Variants in COX10 observed in about 807,000 individuals in gnomAD.
COX10 encodes protoheme IX farnesyltransferase, mitochondrial.
COX10 carries 27 observed loss-of-function variants against 37.3 expected under a neutral mutation model. The observed-to-expected ratio is 0.72, with a 90% confidence interval of 0.53 to 1.00. COX10 has a LOEUF of 1.00. Ranked by LOEUF, COX10 falls within the 50% of genes least tolerant of loss-of-function variation. The probability of loss-of-function intolerance (pLI) is 0.00; values close to 1 mark genes in which losing one functional copy is unlikely to be tolerated. For synonymous variants in COX10, 222 were observed against 229.1 expected (o/e 0.97, Z 0.28); for missense variants, 475 against 563.2 (o/e 0.84, Z 1.59).
intron 3 of COX10, among the ~76,000 whole-genome samples, chr17:14,084,578 T>A (rs1437487961): frequency 6.6e-6 from 1 of 152,226 alleles, no homozygotes; most frequent in East Asian, 1.9e-4. Flanking sequence ...CTGTTTTTAG[T>A]GACTTTTAAA....
At chr17:14,201,556 G>T (rs1252723849) in intron 6 of COX10, among the ~76,000 whole-genome samples, 1 of 152,144 alleles carries the variant, frequency 6.6e-6, no homozygotes, top group Admixed American at 6.5e-5. Flanking sequence ...TACTTCGGTT[G>T]ACACACACAA....
chr17:14,076,412 G>T (rs773498413), intron 2 of COX10, among the ~76,000 whole-genome samples: 1 of 151,140 alleles, frequency 6.6e-6, no homozygotes, highest in Admixed American at 6.6e-5. Context: ...ATTGTATTTG[G>T]AATGTTAAGC....
chr17:14,114,295 A>T (rs1246177114), intron 4 of COX10, among the ~76,000 whole-genome samples: 1 of 152,156 alleles, frequency 6.6e-6, no homozygotes, highest in African/African-American at 2.4e-5. Flanking sequence ...TGAATTAGGC[A>T]TTCAGCCAAT....
chr17:14,186,609 A>C lies in COX10; in HGVS notation c.696-5380A>C, dbSNP rs551761925. On this transcript the variant is annotated intron_variant, in intron 5 of 6. Transcript: ENST00000261643. ...CTACAGCATCAGTGCCCCCAGGACAAGGACCACACCTGTCTTGCTCACCAC... is the reference window on the plus strand; with the variant it reads ...CTACAGCATCAGTGCCCCCAGGACACGGACCACACCTGTCTTGCTCACCAC... Among the ~76,000 whole-genome samples, 56 of 151,958 alleles carry C rather than the reference A, an allele frequency of 3.7e-4. No individual in the cohort carries two copies. In the South Asian group the frequency reaches 0.011, roughly 30 times the overall value.
At position 14,120,669 on chromosome 17, in the gene COX10, A is replaced by C. The variant is rs544138132; in HGVS notation, c.624+18427A>C. On this transcript the variant is annotated intron_variant, in intron 4 of 6. Coordinates refer to ENST00000261643, the MANE Select transcript of COX10 (RefSeq NM_001303.4). ...CAGCAGATGTCATGCAAATGGGATA[A>C]AAATGAATGGTAGTTCCAGGAGTTA... Among the ~76,000 whole-genome samples, 34 of 152,328 alleles carry C rather than the reference A, an allele frequency of 2.2e-4. No homozygotes were observed. In the South Asian group the frequency reaches 7.0e-3, roughly 32 times the overall value.
intron 4 of COX10, among the ~76,000 whole-genome samples, chr17:14,148,348 T>G (rs1029092653): frequency 4.6e-5 from 7 of 152,298 alleles, no homozygotes; most frequent in African/African-American, 1.4e-4. Context: ...GCTGACTGGG[T>G]GTCTTTACTG....
intron 5 of COX10, among the ~76,000 whole-genome samples, chr17:14,162,359 C>T (rs896925199): frequency 3.9e-5 from 6 of 152,134 alleles, no homozygotes; most frequent in Non-Finnish European, 7.4e-5. Context: ...TCACACATAA[C>T]GCTATATTTG....
intron 2 of COX10, among the ~76,000 whole-genome samples, chr17:14,074,928 C>T (rs976328468): frequency 6.6e-6 from 1 of 152,142 alleles, no homozygotes; most frequent in Admixed American, 6.6e-5. Flanking sequence ...AATTTTCTAG[C>T]ATTTTATAAT....
Position 14,074,309 on chromosome 17 carries a change from T to C in COX10, c.44-14T>C, listed in dbSNP as rs1915095053. 2 of 1,613,940 alleles carry C rather than the reference T, an allele frequency of 1.2e-6. No homozygotes were observed. The highest frequency in any genetic ancestry group is 2.2e-5 in the East Asian group (1 of 44,874). On this transcript the variant is annotated splice_polypyrimidine_tract_variant and intron_variant, in intron 1 of 6. Transcript: ENST00000261643. ...AATCATTTAACCTTTCTTCCACTTC[T>C]CTCTCTATTATAGGTTGCGTAGGAG...
intron 3 of COX10, among the ~76,000 whole-genome samples, chr17:14,093,047 C>T (rs909052286): frequency 6.6e-6 from 1 of 152,156 alleles, no homozygotes; most frequent in Non-Finnish European, 1.5e-5. Flanking sequence ...GAGATTATAT[C>T]TCAAGTTTAT....
chr17:14,205,790 A>G (rs1428595106), intron 6 of COX10, among the ~76,000 whole-genome samples: 1 of 151,980 alleles, frequency 6.6e-6, no homozygotes, highest in Non-Finnish European at 1.5e-5. Flanking sequence ...ACTGAAGTTT[A>G]TAAATCTACC....
chr17:14,102,952 G>T (rs752441054), intron 4 of COX10, among the ~76,000 whole-genome samples: 23 of 152,122 alleles, frequency 1.5e-4, no homozygotes, highest in Admixed American at 5.9e-4. Context: ...AGGAATTCAA[G>T]TTACCAGCAG....
At chr17:14,179,230 T>A in intron 5 of COX10, 1 of 983,530 alleles carries the variant, frequency 1.0e-6, no homozygotes, top group East Asian at 1.1e-4. Flanking sequence ...TAGACACCGT[T>A]CATCTACCAT....
chr17:14,072,647 C>G (rs527854452), intron 1 of COX10, among the ~76,000 whole-genome samples: 2 of 152,320 alleles, frequency 1.3e-5, no homozygotes, highest in Non-Finnish European at 2.9e-5. Context: ...AAGACAAACA[C>G]ATTTTCATGT....
At chr17:14,179,787 A>G (rs539293379) in intron 5 of COX10, among the ~76,000 whole-genome samples, 20 of 151,530 alleles carry the variant, frequency 1.3e-4, no homozygotes, top group African/African-American at 4.8e-4. Flanking sequence ...TTCCAACTTA[A>G]TGGATCAGAT....
chr17:14,076,779 C>T lies in COX10; in HGVS notation c.222C>T (p.Pro74=). The change falls in exon 3 of 7, where the codon CCC becomes CCT. Residue 74 remains proline (P), a synonymous_variant. Coordinates refer to ENST00000261643, the MANE Select transcript of COX10 (RefSeq NM_001303.4). ...GAAGCCACAACCAGCAAGTAAGACC[C>T]AAGCCAGAACCAGTAGCATCTCCTT... ...LNRSHNQQVR[P]KPEPVASPFL... 6.2e-7 allele frequency: 1 copy of T among 1,614,074 alleles called. No homozygotes were observed. The highest frequency in any genetic ancestry group is 8.5e-7 in the Non-Finnish European group (1 of 1,180,006).
At chr17:14,143,728 G>T (rs1904617978) in intron 4 of COX10, among the ~76,000 whole-genome samples, 2 of 152,114 alleles carry the variant, frequency 1.3e-5, no homozygotes, top group South Asian at 4.1e-4. Flanking sequence ...ATTATCAAAA[G>T]CATATGCAAC....
At chr17:14,175,105 G>T (rs1905633033) in intron 5 of COX10, among the ~76,000 whole-genome samples, 1 of 100,528 alleles carries the variant, frequency 9.9e-6, no homozygotes, top group Non-Finnish European at 2.4e-5. Flanking sequence ...GGGTGGATAG[G>T]AGGGAATTGG....
intron 5 of COX10, 53 bp from the exon 6 acceptor site, chr17:14,191,936 G>A: frequency 1.3e-6 from 2 of 1,589,530 alleles, no homozygotes; most frequent in Non-Finnish European, 1.7e-6. Context: ...TTTAGGTAGT[G>A]TGATTGAGTT....
Sources: gnomAD v4.1 joint callset for allele counts (sites outside exome capture counted in the v4.1 genomes callset) on GRCh38, gnomAD v4.1.1 for gene constraint, MANE v1.5 for transcripts, NCBI Gene and HGNC (gene_info 2026-07-23, HGNC 2026-07-21) for gene names.